The following CDH13 variants were observed in gnomAD, a reference collection of about 807,000 sequenced individuals.
CDH13 encodes the protein cadherin-13.
CDH13 carries 24 observed loss-of-function variants against 63.8 expected under a neutral mutation model. The observed-to-expected ratio is 0.38, with a 90% CI of 0.27 to 0.53. CDH13 has a LOEUF of 0.53. CDH13 is among the 20% of genes least tolerant of loss of function. CDH13 has a pLI of 0.85. For missense variants in CDH13, 1,049 were observed against 903.1 expected (o/e 1.16, Z -2.07); for synonymous variants, 503 against 355.3 (o/e 1.42, Z -4.67).
At chr16:83,484,462 C>G (rs1011078756) in intron 6 of CDH13, among the ~76,000 whole-genome samples, 6 of 152,182 alleles carry the variant, frequency 3.9e-5, no homozygotes, top group African/African-American at 1.2e-4. Flanking sequence ...GCAGGATGCC[C>G]TAATCCAAAT....
intron 1 of CDH13, among the ~76,000 whole-genome samples, chr16:82,721,539 G>A (rs1344848610): frequency 6.6e-6 from 1 of 152,154 alleles, no homozygotes; most frequent in Non-Finnish European, 1.5e-5. Flanking sequence ...ACGTAGGCAG[G>A]AAGAAAGGTA....
chr16:82,826,146 C>T (rs748839714), intron 1 of CDH13: 1 of 152,168 alleles, frequency 6.6e-6, no homozygotes, highest in Non-Finnish European at 1.5e-5. Context: ...TGAGCCACCG[C>T]GTCTGGCCCA....
chr16:83,361,072 C>G (rs969411117), intron 6 of CDH13, among the ~76,000 whole-genome samples: 1 of 152,158 alleles, frequency 6.6e-6, no homozygotes, highest in South Asian at 2.1e-4. Context: ...TAAGCTTTCC[C>G]TTTTCTCCAC....
chr16:83,684,887 T>C (rs1166747077), intron 10 of CDH13, among the ~76,000 whole-genome samples: 1 of 152,170 alleles, frequency 6.6e-6, no homozygotes, highest in African/African-American at 2.4e-5. Context: ...AGTTGATTTT[T>C]TTTTTCTCAC....
chr16:83,631,310 A>G (rs1009982673), intron 8 of CDH13, among the ~76,000 whole-genome samples: 1 of 151,966 alleles, frequency 6.6e-6, no homozygotes, highest in African/African-American at 2.4e-5. Flanking sequence ...GTGTCCATAA[A>G]TGCTTCTTGG....
At chr16:83,443,916 C>T (rs910060541) in intron 6 of CDH13, among the ~76,000 whole-genome samples, 2 of 142,868 alleles carry the variant, frequency 1.4e-5, no homozygotes, top group African/African-American at 5.3e-5. Context: ...GCCTGGGCAA[C>T]AGAGGAAACC....
At chr16:83,335,276 A>G (rs1253411591) in intron 5 of CDH13, among the ~76,000 whole-genome samples, 1 of 152,072 alleles carries the variant, frequency 6.6e-6, no homozygotes, top group Non-Finnish European at 1.5e-5. Flanking sequence ...CACTACGGTG[A>G]TCCTTGTGTT....
chr16:82,822,028 A>T (rs2038027619), intron 1 of CDH13, among the ~76,000 whole-genome samples: 1 of 152,154 alleles, frequency 6.6e-6, no homozygotes, highest in Non-Finnish European at 1.5e-5. Flanking sequence ...GCTATTGGGT[A>T]TTGAGTTCTT....
intron 1 of CDH13, among the ~76,000 whole-genome samples, chr16:82,676,371 C>G (rs1320705126): frequency 2.0e-5 from 3 of 152,096 alleles, no homozygotes; most frequent in Non-Finnish European, 4.4e-5. Context: ...AGTTTTTCCC[C>G]TTTCTCACAG....
chr16:82,975,182 T>C (rs1190988959), intron 2 of CDH13, among the ~76,000 whole-genome samples: 1 of 152,244 alleles, frequency 6.6e-6, no homozygotes, highest in South Asian at 2.1e-4. Context: ...GGGGATGGCC[T>C]TGGGGCCCTG....
intron 4 of CDH13, among the ~76,000 whole-genome samples, chr16:83,135,944 C>T (rs2036261331): frequency 6.6e-6 from 1 of 152,092 alleles, no homozygotes; most frequent in Non-Finnish European, 1.5e-5. Flanking sequence ...CATCATATGT[C>T]CCCACTGACA....
At chr16:83,746,312 A>G (rs1035921428) in intron 10 of CDH13, among the ~76,000 whole-genome samples, 3 of 151,870 alleles carry the variant, frequency 2.0e-5, no homozygotes, top group African/African-American at 7.3e-5. Context: ...CATCACTCCA[A>G]TCTCTGCCTC....
chr16:83,415,145 C>CA (rs984340235), intron 6 of CDH13, among the ~76,000 whole-genome samples: 32 of 148,322 alleles, frequency 2.2e-4, no homozygotes, highest in African/African-American at 3.7e-4. Flanking sequence ...AGTTCCCTGC[C>CA]AAAAAAAATG....
intron 5 of CDH13, among the ~76,000 whole-genome samples, chr16:83,324,289 C>A (rs2090309365): frequency 6.6e-6 from 1 of 152,306 alleles, no homozygotes; most frequent in South Asian, 2.1e-4. Context: ...CCCGCCTCGG[C>A]CTTGCAAAGT....
intron 7 of CDH13, among the ~76,000 whole-genome samples, chr16:83,498,774 C>A (rs762348174): frequency 6.6e-6 from 1 of 152,124 alleles, no homozygotes; most frequent in African/African-American, 2.4e-5. Flanking sequence ...CTTTTTAACA[C>A]AGAAAAGCAA....
intron 7 of CDH13, among the ~76,000 whole-genome samples, chr16:83,556,296 A>G (rs926159038): frequency 6.6e-6 from 1 of 152,184 alleles, no homozygotes; most frequent in Non-Finnish European, 1.5e-5. Flanking sequence ...ATGTTTTTAA[A>G]TGGTAAGGGA....
intron 4 of CDH13, among the ~76,000 whole-genome samples, chr16:83,134,334 C>T (rs1040893837): frequency 3.9e-5 from 6 of 152,186 alleles, no homozygotes; most frequent in South Asian, 2.1e-4. Context: ...GGATTACAGG[C>T]GCCCGCCACC....
At chr16:83,242,946 T>C (rs1203632379) in intron 5 of CDH13, among the ~76,000 whole-genome samples, 1 of 152,240 alleles carries the variant, frequency 6.6e-6, no homozygotes, top group Non-Finnish European at 1.5e-5. Context: ...TCAAAAACTA[T>C]TCAGCTTTTC....
chr16:83,626,916 C>G (rs1460869195), intron 8 of CDH13, among the ~76,000 whole-genome samples: 1 of 152,128 alleles, frequency 6.6e-6, no homozygotes, highest in Non-Finnish European at 1.5e-5. Context: ...CCTTGGTGTT[C>G]TGACAACATC....
Sources: allele counts gnomAD v4.1 joint callset (sites outside exome capture counted in the v4.1 genomes callset), GRCh38; gene constraint gnomAD v4.1.1; transcripts MANE v1.5; gene names NCBI Gene and HGNC (gene_info 2026-07-23, HGNC 2026-07-21).